Variants in CFAP70 observed in about 807,000 individuals in gnomAD.
CFAP70 encodes cilia- and flagella-associated protein 70.
A neutral mutation model predicts 137.6 loss-of-function variants in CFAP70; 81 were observed. That is an observed-to-expected ratio of 0.59 (90% CI 0.49 to 0.71). CFAP70 has a LOEUF of 0.71. CFAP70 is among the 30% of genes least tolerant of loss of function. The probability of loss-of-function intolerance (pLI) is 0.00; values close to 1 mark genes in which losing one functional copy is unlikely to be tolerated. For synonymous variants in CFAP70, 382 were observed against 423.6 expected, an observed-to-expected ratio of 0.90 and a Z score of 1.20; for missense variants, 976 against 1,226.7, an observed-to-expected ratio of 0.80 and a Z score of 3.05.
At chr10:73,315,134 T>G (rs1035593384) in intron 9 of CFAP70, among the ~76,000 whole-genome samples, 1 of 151,422 alleles carries the variant, frequency 6.6e-6, no homozygotes, top group Non-Finnish European at 1.5e-5. Flanking sequence ...AAAGGATCAC[T>G]TGAGCCCAGT....
At chr10:73,262,037 A>G (rs1246006920) in intron 25 of CFAP70, among the ~76,000 whole-genome samples, 1 of 145,990 alleles carries the variant, frequency 6.8e-6, no homozygotes, top group African/African-American at 2.5e-5. Flanking sequence ...ATATGTATAT[A>G]TGTATATATT....
rs750653366 is a variant in CFAP70, at chr10:73,275,436, A to G, written c.2673+10T>C. 8.8e-6 allele frequency: 14 copies of G among 1,583,452 alleles called. No homozygotes were observed. The highest frequency in any genetic ancestry group is 1.2e-5 in the Non-Finnish European group (14 of 1,167,776). ...CTCCAGACTCAAGAGGCTTTAGCAA[A>G]AGTCATTACCAGGTAGTCCATCTGG... On this transcript the variant is annotated intron_variant, in intron 22 of 26. Coordinates refer to ENST00000310715, the Ensembl canonical transcript of CFAP70. The surrounding 1 kb of genome is among the most constrained non-coding windows in gnomAD (Gnocchi z 4.0).
At chr10:73,279,514 ACT>A (rs993612834) in intron 19 of CFAP70, among the ~76,000 whole-genome samples, 7 of 143,982 alleles carry the variant, frequency 4.9e-5, no homozygotes, top group African/African-American at 1.5e-4. Flanking sequence ...ACAGAGCAAG[ACT>A]CTGTCTCAAT....
intron 25 of CFAP70, among the ~76,000 whole-genome samples, chr10:73,260,533 A>G (rs1271293203): frequency 6.6e-6 from 1 of 152,172 alleles, no homozygotes; most frequent in Non-Finnish European, 1.5e-5. Context: ...CTTACATACC[A>G]TAAAATTCAC....
chr10:73,358,224 G>C (rs549278293), intron 1 of CFAP70, among the ~76,000 whole-genome samples: 4 of 152,326 alleles, frequency 2.6e-5, no homozygotes, highest in African/African-American at 9.6e-5. Flanking sequence ...CAGAGTGCCT[G>C]GCACCATGTC....
chr10:73,327,501 G>A lies in CFAP70; in HGVS notation c.777+3676C>T, dbSNP rs566067853. Among the ~76,000 whole-genome samples the A allele has an allele frequency of 1.8e-3, 280 of 152,004 alleles. 2 individuals are homozygous for A. Among genetic ancestry groups the A allele is most frequent in the Admixed American group, 4.7e-3 (72 of 15,254 alleles). ...ATTTCTGGCCAGGGCAATTAGGCAG[G>A]AGAAGGAAATAAAGGGTATTCAATT... On this transcript the variant is annotated intron_variant, in intron 8 of 26. Transcript: ENST00000310715.
chr10:73,314,146 G>A (rs1330578587), intron 9 of CFAP70, among the ~76,000 whole-genome samples: 2 of 152,202 alleles, frequency 1.3e-5, no homozygotes, highest in East Asian at 1.9e-4. Context: ...GAGGCCAGGC[G>A]AGAGGGGAGG....
rs1203127459 is a variant in CFAP70 at position 73,282,826 on chromosome 10, C to CTTTT, written c.2240-4493_2240-4490dup. 9.8e-4 allele frequency among the ~76,000 whole-genome samples: 89 copies of CTTTT among 90,924 alleles called. 1 individual carries two copies. Among genetic ancestry groups the CTTTT allele is most frequent in the African/African-American group, 3.2e-3 (75 of 23,492 alleles). The allele number at this position is 90,924 out of a possible 152,430, so 59.6% of individuals were successfully genotyped here. On this transcript the variant is annotated intron_variant, in intron 19 of 26. Transcript: ENST00000310715. ...AAGTGTTTAGAAATTTTCCTGTTAT[C>CTTTT]TTTTTTTTTTTTTTTTTTTTTTTTG...
At chr10:73,343,041 T>C (rs1214623512) in intron 5 of CFAP70, among the ~76,000 whole-genome samples, 3 of 151,746 alleles carry the variant, frequency 2.0e-5, no homozygotes, top group Non-Finnish European at 2.9e-5. Context: ...AAACCCCATC[T>C]CTACTAAAAA....
exon 9 of CFAP70, chr10:73,323,093 T>G: frequency 1.2e-6 from 2 of 1,612,018 alleles, no homozygotes; most frequent in Non-Finnish European, 1.7e-6. Flanking sequence ...AGCTTCTTCA[T>G]CAGTCTAAAG....
At chr10:73,317,193 T>C (rs1180077117) in intron 9 of CFAP70, among the ~76,000 whole-genome samples, 1 of 152,144 alleles carries the variant, frequency 6.6e-6, no homozygotes, top group African/African-American at 2.4e-5. Context: ...AACTTTTGTA[T>C]TTTTAGTAGA....
intron 6 of CFAP70, 134 bp downstream of exon 7, chr10:73,341,265 G>C (rs1489053093): frequency 1.2e-5 from 9 of 721,560 alleles, no homozygotes; most frequent in Middle Eastern, 4.0e-4. Context: ...ATCAGAATTA[G>C]ATATGTGTTT....
intron 9 of CFAP70, among the ~76,000 whole-genome samples, chr10:73,320,170 T>G (rs561418762): frequency 6.6e-6 from 1 of 152,276 alleles, no homozygotes; most frequent in South Asian, 2.1e-4. Context: ...CTTTCATACT[T>G]TTCACTGCTT....
At chr10:73,260,655 T>C (rs1028526309) in intron 25 of CFAP70, among the ~76,000 whole-genome samples, 1 of 152,224 alleles carries the variant, frequency 6.6e-6, no homozygotes, top group Admixed American at 6.5e-5. Flanking sequence ...TCCTCACCTT[T>C]AGCTCCAGGC....
At chr10:73,277,498 A>C (rs2046860169) in intron 20 of CFAP70, 137 bp from the exon 22 acceptor site, 10 of 859,708 alleles carry the variant, frequency 1.2e-5, no homozygotes, top group African/African-American at 1.7e-5. Flanking sequence ...GCAGATCACG[A>C]GGTCAGGAGT....
intron 23 of CFAP70, among the ~76,000 whole-genome samples, chr10:73,273,578 G>A (rs2133756565): frequency 6.6e-6 from 1 of 152,306 alleles, no homozygotes; most frequent in South Asian, 2.1e-4. Context: ...AACAGCCTAA[G>A]ACCTGCTTGC....
intron 24 of CFAP70, among the ~76,000 whole-genome samples, chr10:73,271,849 G>A (rs563080401): frequency 6.6e-6 from 1 of 152,180 alleles, no homozygotes; most frequent in East Asian, 2.0e-4. Flanking sequence ...ACAGGCACAT[G>A]CCACCATGCC....
chr10:73,294,149 G>C (rs1311468452), intron 15 of CFAP70: 1 of 152,154 alleles, frequency 6.6e-6, no homozygotes, highest in Non-Finnish European at 1.5e-5. Context: ...CTTTTGTCCT[G>C]TTCTTTTTAG....
exon 8 of CFAP70, chr10:73,331,208 A>T (rs1263194769): frequency 1.9e-6 from 3 of 1,613,388 alleles, no homozygotes. Context: ...CCCTTTGGGT[A>T]TAGTGACCAG....
Sources: gnomAD v4.1 joint callset for allele counts (sites outside exome capture counted in the v4.1 genomes callset) on GRCh38, gnomAD v4.1.1 for gene constraint, Gnocchi (gnomAD v3.1) non-coding constraint, MANE v1.5 for transcripts, NCBI Gene and HGNC (gene_info 2026-07-23, HGNC 2026-07-21) for gene names.